NAA16: variants seen among roughly 807,000 people sequenced by gnomAD.
NAA16 encodes the protein N-alpha-acetyltransferase 16, NatA auxiliary subunit.
A neutral mutation model predicts 110.3 loss-of-function variants in NAA16; 97 were observed. The ratio of observed to expected loss-of-function variants is 0.88; its 90% CI spans 0.75 to 1.04. NAA16 has a LOEUF of 1.04. Among genes scored for constraint, NAA16 ranks in the 50% least tolerant of loss-of-function variants. NAA16 has a pLI of 0.00. For synonymous variants in NAA16, 372 were observed against 330.6 expected (o/e 1.13, Z -1.36); for missense variants, 1,017 against 1,005.1 (o/e 1.01, Z -0.16).
At chr13:41,343,180 C>G (rs1471299378) in intron 9 of NAA16, among the ~76,000 whole-genome samples, 1 of 152,182 alleles carries the variant, frequency 6.6e-6, no homozygotes, top group Non-Finnish European at 1.5e-5. Flanking sequence ...TCGTAGCTCA[C>G]TGTAGCCTTG....
At chr13:41,359,048 C>T in intron 12 of NAA16, 86 bp downstream of exon 12, 1 of 1,174,858 alleles carries the variant, frequency 8.5e-7, no homozygotes, top group Non-Finnish European at 1.2e-6. Flanking sequence ...TTGTGAAGAA[C>T]TTCAGTGGAA....
intron 9 of NAA16, among the ~76,000 whole-genome samples, chr13:41,351,354 C>A (rs555576984): frequency 5.8e-4 from 89 of 152,172 alleles, no homozygotes; most frequent in African/African-American, 1.9e-3. Context: ...GACAGTTTAC[C>A]TCTGTAACTA....
At chr13:41,329,726 A>C (rs2042185142) in intron 7 of NAA16, among the ~76,000 whole-genome samples, 1 of 151,984 alleles carries the variant, frequency 6.6e-6, no homozygotes, top group Non-Finnish European at 1.5e-5. Context: ...GATTAAAGTA[A>C]TAATCTGAAG....
chr13:41,336,831 G>A, intron 9 of NAA16, 75 bp downstream of exon 9: 2 of 797,240 alleles, frequency 2.5e-6, no homozygotes, highest in Non-Finnish European at 4.0e-6. Flanking sequence ...TGTAAATAAT[G>A]TGCTATTACT....
Position 41,311,452 on chromosome 13 carries a change from C to A in NAA16, c.-77C>A. 7.1e-7 allele frequency: 1 copy of A among 1,417,506 alleles called. No individual in the cohort carries two copies. The highest frequency in any genetic ancestry group is 9.7e-7 in the Non-Finnish European group (1 of 1,027,622). The allele number at this position is 1,417,506 out of a possible 1,614,324, so 87.8% of individuals were successfully genotyped here. Reference sequence around the variant, plus strand: ...CCCGACTCTCAGCAGCGGTTCGTCCCGGTGCCCACCCCCGCGAAGCGGAGC... The same window carrying A: ...CCCGACTCTCAGCAGCGGTTCGTCCAGGTGCCCACCCCCGCGAAGCGGAGC... On this transcript the variant is annotated 5_prime_UTR_variant, in exon 1 of 20. Coordinates refer to ENST00000379406, the MANE Select transcript of NAA16 (RefSeq NM_024561.5).
chr13:41,345,339 C>A (rs750826807), intron 9 of NAA16, among the ~76,000 whole-genome samples: 2 of 152,316 alleles, frequency 1.3e-5, no homozygotes, highest in Middle Eastern at 6.8e-3. Context: ...TCTGCACATC[C>A]TCATTAACAC....
At position 41,311,312 on chromosome 13, in the gene NAA16, G is replaced by C. The variant is rs942818667; in HGVS notation, c.-217G>C. 32 of 551,506 alleles carry C rather than the reference G, an allele frequency of 5.8e-5. No homozygotes were observed. The highest frequency in any genetic ancestry group is 9.2e-5 in the Non-Finnish European group (29 of 316,230). The allele number at this position is 551,506 out of a possible 1,614,324, so 34.2% of individuals were successfully genotyped here. A position where few individuals can be genotyped will look rare whatever the true frequency, so the allele number is the denominator to read the frequency against. On this transcript the variant is annotated 5_prime_UTR_variant, in exon 1 of 20. Coordinates refer to ENST00000379406, the MANE Select transcript of NAA16 (RefSeq NM_024561.5). ...CCGCCGCCGCTGGCCAAAAAGCGGA[G>C]CCCAGGGGAAGCGTGTCCTGCTCAG...
intron 9 of NAA16, among the ~76,000 whole-genome samples, chr13:41,344,027 T>C (rs2042621426): frequency 6.6e-6 from 1 of 152,228 alleles, no homozygotes; most frequent in Non-Finnish European, 1.5e-5. Context: ...TTCATTATCC[T>C]TTTTAGTTAT....
In NAA16 at chr13:41,376,962, A is replaced by T. The variant is rs1233459999; in HGVS notation, c.*1360A>T. ...TCTATTTAGATTCATACTTATTGAG[A>T]CGGGAAAAACTCGCTGTAAAATAAT... On this transcript the variant is annotated 3_prime_UTR_variant, in exon 20 of 20. Coordinates refer to ENST00000379406, the MANE Select transcript of NAA16 (RefSeq NM_024561.5). 4 of 152,156 alleles carry T rather than the reference A, an allele frequency of 2.6e-5. No individual in the cohort carries two copies. The highest frequency in any genetic ancestry group is 5.9e-5 in the Non-Finnish European group (4 of 68,006). 9.4% of individuals were successfully genotyped at this position (152,156 alleles called of 1,614,324 possible).
rs762483183 is a variant in NAA16 at position 41,323,044 on chromosome 13, C to CT, written c.403-3dup. 5.6e-5 allele frequency: 88 copies of CT among 1,582,402 alleles called. No individual in the cohort carries two copies. The highest frequency in any genetic ancestry group is 2.1e-4 in the South Asian group (19 of 89,274). On this transcript the variant is annotated splice_polypyrimidine_tract_variant and intron_variant, in intron 4 of 19. Transcript: ENST00000379406. ...TTAGAGAATATTTAGCAAGTTAAAA[C>CT]TTTTTTTTTAGGAGACAAGATACCA...
Position 41,375,937 on chromosome 13 carries a change from T to G in NAA16, c.*335T>G, listed in dbSNP as rs1016569535. On this transcript the variant is annotated 3_prime_UTR_variant, in exon 20 of 20. Coordinates refer to ENST00000379406, the MANE Select transcript of NAA16 (RefSeq NM_024561.5). Reference sequence around the variant, plus strand: ...GTGCTTTGATTCCTTGTCTGTTTTATCGTATATTTGCTTGCTTTTTAATTA... The same window carrying G: ...GTGCTTTGATTCCTTGTCTGTTTTAGCGTATATTTGCTTGCTTTTTAATTA... 5.6e-6 allele frequency: 1 copy of G among 179,780 alleles called. No individual in the cohort carries two copies. Among genetic ancestry groups the G allele is most frequent in the Non-Finnish European group, 1.2e-5 (1 of 86,626 alleles). The allele number at this position is 179,780 out of a possible 1,614,324, so 11.1% of individuals were successfully genotyped here.
At chr13:41,358,702 A>C in intron 11 of NAA16, 108 bp from the exon 12 acceptor site, 1 of 1,452,870 alleles carries the variant, frequency 6.9e-7, no homozygotes, top group Middle Eastern at 2.6e-4. Flanking sequence ...AATAAATTTG[A>C]CAGAAATGGT....
rs377001285 is a variant in NAA16, at chr13:41,323,038, T to G, written c.403-18T>G. On this transcript the variant is annotated intron_variant, in intron 4 of 19. Coordinates refer to ENST00000379406, the MANE Select transcript of NAA16 (RefSeq NM_024561.5). ...AATGTTTTAGAGAATATTTAGCAAGTTAAAACTTTTTTTTTAGGAGACAAG... is the reference window on the plus strand; with the variant it reads ...AATGTTTTAGAGAATATTTAGCAAGGTAAAACTTTTTTTTTAGGAGACAAG... The G allele has an allele frequency of 1.4e-5, 23 of 1,611,924 alleles. No homozygotes were observed. Among genetic ancestry groups the G allele is most frequent in the Non-Finnish European group, 1.1e-5 (13 of 1,179,022 alleles).
At chr13:41,318,968 A>T in intron 3 of NAA16, 58 bp downstream of exon 3, 1 of 1,157,666 alleles carries the variant, frequency 8.6e-7, no homozygotes, top group East Asian at 2.5e-5. Context: ...CCTAATTCAA[A>T]TTAAATTTGT....
At chr13:41,361,984 T>A (rs1012955693) in intron 12 of NAA16, 47 bp from the exon 13 acceptor site, 1 of 1,588,410 alleles carries the variant, frequency 6.3e-7, no homozygotes, top group Non-Finnish European at 8.5e-7. Flanking sequence ...ATTTTTAGGA[T>A]CTCTTTCATT....
intron 1 of NAA16, among the ~76,000 whole-genome samples, chr13:41,315,832 C>G (rs189209978): frequency 6.6e-6 from 1 of 151,170 alleles, no homozygotes; most frequent in African/African-American, 2.4e-5. Flanking sequence ...TGCAGTGGCA[C>G]AGTCATGCCT....
chr13:41,346,037 TTTGTTACTC>T (rs1251759901), intron 9 of NAA16, among the ~76,000 whole-genome samples: 1 of 152,236 alleles, frequency 6.6e-6, no homozygotes, highest in Non-Finnish European at 1.5e-5. Context: ...TTTTTTTCCT[TTTGTTACTC>T]ATGCTTTCTG....
At chr13:41,341,486 G>A (rs573859324) in intron 9 of NAA16, among the ~76,000 whole-genome samples, 2 of 152,306 alleles carry the variant, frequency 1.3e-5, no homozygotes, top group South Asian at 2.1e-4. Flanking sequence ...GGAGGCTGAG[G>A]TGGGAGGATC....
intron 7 of NAA16, among the ~76,000 whole-genome samples, chr13:41,330,102 T>C (rs550412982): frequency 1.4e-4 from 21 of 152,122 alleles, no homozygotes; most frequent in South Asian, 6.2e-4. Flanking sequence ...AAAATACTTA[T>C]ATGCAGTTCA....
Sources: allele counts gnomAD v4.1 joint callset (sites outside exome capture counted in the v4.1 genomes callset), GRCh38; gene constraint gnomAD v4.1.1; transcripts MANE v1.5; gene names NCBI Gene and HGNC (gene_info 2026-07-23, HGNC 2026-07-21).